Variants in VEPH1 observed in about 807,000 individuals in gnomAD.
VEPH1 encodes ventricular zone expressed PH domain containing 1, also known as ventricular zone-expressed PH domain-containing protein homolog 1.
A neutral mutation model predicts 85.2 loss-of-function variants in VEPH1; 80 were observed. The ratio of observed to expected loss-of-function variants is 0.94; its 90% CI spans 0.78 to 1.13. VEPH1 has a LOEUF of 1.13. VEPH1 is among the 50% of genes most tolerant of loss of function. The probability of loss-of-function intolerance (pLI) is 0.00; values close to 1 mark genes in which losing one functional copy is unlikely to be tolerated. For synonymous variants in VEPH1, 297 were observed against 348.0 expected (o/e 0.85, Z 1.63); for missense variants, 955 against 980.5 (o/e 0.97, Z 0.35).
chr3:157,457,028 T>C (rs1283338187), intron 4 of VEPH1, among the ~76,000 whole-genome samples: 1 of 152,198 alleles, frequency 6.6e-6, no homozygotes, highest in Non-Finnish European at 1.5e-5. Context: ...TTCCATTTGT[T>C]TGTGTCATCT....
chr3:157,362,026 T>A lies in VEPH1; in HGVS notation c.1735+1338A>T, dbSNP rs532686763. Among the ~76,000 whole-genome samples the A allele has an allele frequency of 2.0e-5, 3 of 152,060 alleles. No individual in the cohort carries two copies. The South Asian group carries it at 6.2e-4, about 32-fold the overall frequency. ...TAAAATTTTACTGAGTTTTTTAATT[T>A]TTTTATTTTTTTTTTGGGTGGGGGG... On this transcript the variant is annotated intron_variant, in intron 9 of 13. Coordinates refer to ENST00000362010, the MANE Select transcript of VEPH1 (RefSeq NM_001167912.2).
chr3:157,466,475 G>A (rs1371431213), intron 3 of VEPH1, among the ~76,000 whole-genome samples: 2 of 152,162 alleles, frequency 1.3e-5, no homozygotes, highest in Non-Finnish European at 2.9e-5. Flanking sequence ...GGATTAATTT[G>A]CTAGCTACAA....
intron 1 of VEPH1, among the ~76,000 whole-genome samples, chr3:157,496,224 C>G (rs944557852): frequency 3.3e-5 from 5 of 152,210 alleles, no homozygotes; most frequent in Non-Finnish European, 7.3e-5. Flanking sequence ...TCCCTCTATT[C>G]CAGTTGAAGT....
At chr3:157,322,666 G>A (rs1402723832) in intron 9 of VEPH1, among the ~76,000 whole-genome samples, 1 of 152,198 alleles carries the variant, frequency 6.6e-6, no homozygotes, top group African/African-American at 2.4e-5. Flanking sequence ...ATGAGGGCTT[G>A]CACTTGGCAC....
chr3:157,437,760 C>G, intron 4 of VEPH1: 4 of 1,487,480 alleles, frequency 2.7e-6, no homozygotes, highest in Non-Finnish European at 3.5e-6. Context: ...CGACCCGCGA[C>G]GCGGGCCGCA....
At chr3:157,290,194 C>G (rs1369775612) in intron 11 of VEPH1, among the ~76,000 whole-genome samples, 1 of 152,022 alleles carries the variant, frequency 6.6e-6, no homozygotes, top group Admixed American at 6.6e-5. Context: ...TTAAAGGAGG[C>G]CTTCAGCTGG....
intron 5 of VEPH1, among the ~76,000 whole-genome samples, chr3:157,414,636 C>G (rs962805076): frequency 6.6e-6 from 1 of 151,852 alleles, no homozygotes; most frequent in Non-Finnish European, 1.5e-5. Context: ...TGATTTATAC[C>G]ATAGTCACAT....
chr3:157,360,435 G>C (rs1431616600), intron 9 of VEPH1, among the ~76,000 whole-genome samples: 2 of 151,916 alleles, frequency 1.3e-5, no homozygotes, highest in Admixed American at 6.6e-5. Flanking sequence ...TCAAAAGAAA[G>C]TATTCTTTTT....
At chr3:157,277,008 C>T (rs1478788639) in intron 12 of VEPH1, among the ~76,000 whole-genome samples, 2 of 151,838 alleles carry the variant, frequency 1.3e-5, no homozygotes, top group Non-Finnish European at 2.9e-5. Flanking sequence ...ATTCTCTCAT[C>T]TCAGCCCTGC....
chr3:157,453,436 T>C (rs551033148), intron 4 of VEPH1, among the ~76,000 whole-genome samples: 2 of 152,334 alleles, frequency 1.3e-5, no homozygotes, highest in African/African-American at 4.8e-5. Flanking sequence ...CATTGAATGA[T>C]ATAATCGGTA....
intron 4 of VEPH1, among the ~76,000 whole-genome samples, chr3:157,446,250 A>T (rs1320424581): frequency 6.6e-6 from 1 of 151,820 alleles, no homozygotes. Context: ...TTTGCCTAAG[A>T]CTGTCCCATC....
rs1241512944 is a variant in VEPH1 at position 157,473,699 on chromosome 3, G to A, written c.139-3170C>T. 3.3e-5 allele frequency among the ~76,000 whole-genome samples: 5 copies of A among 152,010 alleles called. No homozygotes were observed. In the South Asian group the frequency reaches 6.2e-4, roughly 19 times the overall value. On this transcript the variant is annotated intron_variant, in intron 2 of 13. Coordinates refer to ENST00000362010, the MANE Select transcript of VEPH1 (RefSeq NM_001167912.2). ...AGAATACATCACTTTCTATTTTCAAGGTTTACATATTTGATTTAATTTCCC... is the reference window on the plus strand; with the variant it reads ...AGAATACATCACTTTCTATTTTCAAAGTTTACATATTTGATTTAATTTCCC...
chr3:157,367,898 T>C (rs1482381403), intron 7 of VEPH1, among the ~76,000 whole-genome samples: 1 of 152,220 alleles, frequency 6.6e-6, no homozygotes, highest in Non-Finnish European at 1.5e-5. Context: ...TCTAAAGCTC[T>C]GGCTTATATC....
At chr3:157,436,311 A>C (rs1337387775) in intron 4 of VEPH1, among the ~76,000 whole-genome samples, 1 of 152,120 alleles carries the variant, frequency 6.6e-6, no homozygotes, top group East Asian at 1.9e-4. Context: ...GTATAGGTGC[A>C]ACTCCTCAAG....
In VEPH1 at chr3:157,470,360, G is replaced by A; in HGVS notation, c.308C>T (p.Thr103Ile). The A allele has an allele frequency of 6.2e-7, 1 of 1,614,094 alleles. No individual in the cohort carries two copies. Among genetic ancestry groups the A allele is most frequent in the South Asian group, 1.1e-5 (1 of 91,086 alleles). ...NLRPFGKDED[T>I]PHAKIASDIM... ...ATCAGATGCGATTTTTGCATGAGGA[G>A]TGTCTTCGTCTTTCCCAAAGGGTCT... Residue 103 changes from threonine (T) to isoleucine (I), a missense_variant, in exon 3 of 14, where the codon ACT becomes ATT. By Grantham distance (89) the Thr-to-Ile change is moderately conservative. Coordinates refer to ENST00000362010, the MANE Select transcript of VEPH1 (RefSeq NM_001167912.2).
At chr3:157,424,019 A>C (rs1732551208) in intron 5 of VEPH1, among the ~76,000 whole-genome samples, 1 of 152,078 alleles carries the variant, frequency 6.6e-6, no homozygotes, top group African/African-American at 2.4e-5. Context: ...ATGTTGGTTG[A>C]TATGGTTTGG....
At chr3:157,327,339 T>A (rs1475250032) in intron 9 of VEPH1, among the ~76,000 whole-genome samples, 1 of 152,166 alleles carries the variant, frequency 6.6e-6, no homozygotes, top group Non-Finnish European at 1.5e-5. Context: ...AAAGTACCAT[T>A]CAAATGAGCA....
intron 4 of VEPH1, chr3:157,436,986 A>G: frequency 6.2e-7 from 1 of 1,614,084 alleles, no homozygotes; most frequent in Non-Finnish European, 8.5e-7. Flanking sequence ...GTGTTGGCCG[A>G]GAACTCGGAT....
intron 2 of VEPH1, among the ~76,000 whole-genome samples, chr3:157,484,639 A>G (rs1314784195): frequency 6.6e-6 from 1 of 152,218 alleles, no homozygotes; most frequent in South Asian, 2.1e-4. Context: ...GGTATTACAC[A>G]GGTAAATAAA....
Sources: allele counts gnomAD v4.1 joint callset (sites outside exome capture counted in the v4.1 genomes callset), GRCh38; gene constraint gnomAD v4.1.1; transcripts MANE v1.5; gene names NCBI Gene and HGNC (gene_info 2026-07-23, HGNC 2026-07-21).